DIAPH1: variants seen among roughly 807,000 people sequenced by gnomAD.
The protein encoded by DIAPH1 is diaphanous related formin 1.
Under a neutral mutation model 140.7 loss-of-function variants are expected in DIAPH1, and 46 were observed. The observed-to-expected ratio is 0.33, with a 90% CI of 0.26 to 0.42. The LOEUF (loss-of-function observed/expected upper bound fraction) is 0.42, where lower values mean the gene tolerates loss of function less well. Ranked by LOEUF, DIAPH1 falls within the 10% of genes least tolerant of loss-of-function variation. DIAPH1 has a pLI of 1.00. For synonymous variants in DIAPH1, 565 were observed against 551.6 expected, an observed-to-expected ratio of 1.02 and a Z score of -0.34; for missense variants, 1,310 against 1,558.7, an observed-to-expected ratio of 0.84 and a Z score of 2.69.
At chr5:141,540,765 A>T (rs2099889843) in intron 18 of DIAPH1, among the ~76,000 whole-genome samples, 1 of 151,736 alleles carries the variant, frequency 6.6e-6, no homozygotes, top group Non-Finnish European at 1.5e-5. Flanking sequence ...ACCTATCAAA[A>T]GACGCCATTT....
intron 24 of DIAPH1, 58 bp from the exon 25 acceptor site, chr5:141,526,519 G>C: frequency 6.2e-7 from 1 of 1,602,166 alleles, no homozygotes; most frequent in Non-Finnish European, 8.6e-7. Context: ...CACTTCTCTA[G>C]CCCAAGGAAT....
chr5:141,595,483 G>A (rs957978951), intron 1 of DIAPH1, among the ~76,000 whole-genome samples: 20 of 152,268 alleles, frequency 1.3e-4, no homozygotes, highest in Middle Eastern at 3.4e-3. Context: ...GTCAAGGGCG[G>A]GACCAGGTGG....
chr5:141,593,434 T>C (rs574087053), intron 1 of DIAPH1, among the ~76,000 whole-genome samples: 1 of 152,298 alleles, frequency 6.6e-6, no homozygotes, highest in Non-Finnish European at 1.5e-5. Flanking sequence ...CACTCAGCAC[T>C]TTTCCCCCTC....
intron 19 of DIAPH1, among the ~76,000 whole-genome samples, chr5:141,531,265 C>G (rs1241680219): frequency 6.6e-6 from 1 of 152,108 alleles, no homozygotes; most frequent in East Asian, 1.9e-4. Flanking sequence ...TCTCCTTTAT[C>G]CCAAGTCAAT....
rs138329781 is a variant in DIAPH1, at chr5:141,554,346, A to T, written c.2482+17082T>A. Reference sequence around the variant, plus strand: ...GTCTGCAAATTTAGATAAAATTGATAAATTTCTAGAAAAACATAACACATC... The same window carrying T: ...GTCTGCAAATTTAGATAAAATTGATTAATTTCTAGAAAAACATAACACATC... On this transcript the variant is annotated intron_variant, in intron 18 of 27. Coordinates refer to ENST00000389054, the MANE Select transcript of DIAPH1 (RefSeq NM_005219.5). Among the ~76,000 whole-genome samples, 87 of 152,326 alleles carry T rather than the reference A, an allele frequency of 5.7e-4. No individual in the cohort carries two copies. In the East Asian group the frequency reaches 0.014, roughly 25 times the overall value.
chr5:141,588,195 C>T (rs2099897833), intron 2 of DIAPH1, 29 bp downstream of exon 2: 3 of 1,593,370 alleles, frequency 1.9e-6, no homozygotes, highest in Non-Finnish European at 2.6e-6. Flanking sequence ...TGAGCTAGAA[C>T]ATGCACATGC....
chr5:141,548,208 A>C (rs905030245), intron 18 of DIAPH1, among the ~76,000 whole-genome samples: 22 of 151,920 alleles, frequency 1.4e-4, no homozygotes, highest in African/African-American at 4.1e-4. Context: ...CAAAAAAAAA[A>C]ACCTCAAAAT....
At position 141,618,811 on chromosome 5, in the gene DIAPH1, T is replaced by C. The variant is rs1440238404; in HGVS notation, c.104A>G (p.Lys35Arg). 24 of 1,548,852 alleles carry C rather than the reference T, an allele frequency of 1.5e-5. No homozygotes were observed. Among genetic ancestry groups the C allele is most frequent in the Non-Finnish European group, 1.9e-5 (22 of 1,146,856 alleles). ...AGGGACACTCACAAATTTCTTAGATTTGCCGCCGTCGCCGCCCGCCGAGGG... is the reference window on the plus strand; with the variant it reads ...AGGGACACTCACAAATTTCTTAGATCTGCCGCCGTCGCCGCCCGCCGAGGG... The part of the protein sequence containing the change: ...ELPSAGGDGG[K>R]SKKFTLKRLM... The change falls in exon 1 of 28, where the codon AAA becomes AGA. Residue 35 changes from lysine (K) to arginine (R), a missense_variant. This residue lies in a region of DIAPH1 where 377 missense variants were observed against 497.1 expected (regional missense o/e 0.76). Coordinates refer to ENST00000389054, the MANE Select transcript of DIAPH1 (RefSeq NM_005219.5).
At chr5:141,618,184 G>A (rs1192798931) in intron 1 of DIAPH1, among the ~76,000 whole-genome samples, 1 of 152,206 alleles carries the variant, frequency 6.6e-6, no homozygotes. Flanking sequence ...TAGGACCTGG[G>A]CAGGAGCCCA....
chr5:141,585,486 T>A (rs2099897395), intron 3 of DIAPH1, among the ~76,000 whole-genome samples: 1 of 151,452 alleles, frequency 6.6e-6, no homozygotes, highest in South Asian at 2.1e-4. Context: ...TTTTCAACAA[T>A]TTTTTTTTAG....
At chr5:141,583,795 C>T (rs1013142046) in intron 4 of DIAPH1, among the ~76,000 whole-genome samples, 180 bp from the exon 5 acceptor site, 1 of 152,158 alleles carries the variant, frequency 6.6e-6, no homozygotes, top group Non-Finnish European at 1.5e-5. Flanking sequence ...TCTGCCTCAG[C>T]CTCCCAAAGT....
intron 27 of DIAPH1, among the ~76,000 whole-genome samples, chr5:141,523,258 CT>C (rs1296468386): frequency 6.6e-6 from 1 of 152,160 alleles, no homozygotes; most frequent in Admixed American, 6.5e-5. Flanking sequence ...CTAATGATGC[CT>C]TTTTTTGTAA....
In DIAPH1 at chr5:141,528,791, G is replaced by A; in HGVS notation, c.2929C>T (p.Leu977=). 6.2e-7 allele frequency: 1 copy of A among 1,614,212 alleles called. No individual in the cohort carries two copies. Among genetic ancestry groups the A allele is most frequent in the Non-Finnish European group, 8.5e-7 (1 of 1,180,034 alleles). The stretch of plus-strand genomic sequence containing the variant: ...TTTCCAACAAGCAAGGTAATCTCTA[G>A]GAGATTGGAAAAGCTCTCACTCTTA... ...LRKSESFSNL[L]EITLLVGNYM... Residue 977 remains leucine (L), a synonymous_variant, in exon 22 of 28, where the codon CTA becomes TTA. Coordinates refer to ENST00000389054, the MANE Select transcript of DIAPH1 (RefSeq NM_005219.5).
At chr5:141,618,206 G>GC (rs1241820991) in intron 1 of DIAPH1, among the ~76,000 whole-genome samples, 1 of 152,180 alleles carries the variant, frequency 6.6e-6, no homozygotes, top group East Asian at 1.9e-4. Flanking sequence ...TCCTGTAATC[G>GC]CAAGGACAAA....
chr5:141,582,235 C>T, intron 7 of DIAPH1, 77 bp downstream of exon 7: 1 of 1,048,332 alleles, frequency 9.5e-7, no homozygotes, highest in Non-Finnish European at 1.5e-6. Context: ...ATTCCTAGTT[C>T]CTCTTTTGGT....
At chr5:141,538,619 G>C (rs2099889457) in intron 18 of DIAPH1, among the ~76,000 whole-genome samples, 1 of 152,062 alleles carries the variant, frequency 6.6e-6, no homozygotes, top group Admixed American at 6.6e-5. Flanking sequence ...TTTTAGTAGA[G>C]ACGGGGTTTC....
rs2099895758 is a variant in DIAPH1 at position 141,575,081 on chromosome 5, A to G, written c.1527T>C (p.Phe509=). The part of the protein sequence containing the change: ...QVEMKKMESD[F]EQKLQDLQGE... ...CCTGAAGATCTTGAAGCTTCTGCTC[A>G]AAGTCACTTTCCATCTTTTTCATTT... Residue 509 remains phenylalanine, a synonymous_variant, in exon 15 of 28, where the codon TTT becomes TTC. Transcript: ENST00000389054. 2 of 1,614,094 alleles carry G rather than the reference A, an allele frequency of 1.2e-6. No homozygotes were observed. Among genetic ancestry groups the G allele is most frequent in the African/African-American group, 1.3e-5 (1 of 74,934 alleles).
chr5:141,613,867 C>G (rs1303810730), intron 1 of DIAPH1, among the ~76,000 whole-genome samples: 3 of 152,102 alleles, frequency 2.0e-5, no homozygotes, highest in African/African-American at 7.2e-5. Context: ...ATTTTATTAT[C>G]AACAGCTTCT....
Position 141,572,031 on chromosome 5 carries a change from C to T in DIAPH1, c.2368G>A (p.Glu790Lys). 1 of 1,612,730 alleles carries T rather than the reference C, an allele frequency of 6.2e-7. No homozygotes were observed. Among genetic ancestry groups the T allele is most frequent in the Admixed American group, 1.7e-5 (1 of 60,016 alleles). Residue 790 changes from glutamate (E) to lysine (K), a missense_variant, in exon 17 of 28, where the codon GAG becomes AAG. This residue lies in a region of DIAPH1 where 589 missense variants were observed against 549.3 expected (regional missense o/e 1.07). Transcript: ENST00000389054. ...CAGAAGCAGTCCTGGGAGAGGTCCT[C>T]AGCCACAAGCTGTGGATAAAGGCAG... ...RRPNWSKLVA[E>K]DLSQDCFWTK...
Sources: allele counts gnomAD v4.1 joint callset (sites outside exome capture counted in the v4.1 genomes callset), GRCh38; gene constraint gnomAD v4.1.1; regional missense constraint gnomAD v4.1.1; transcripts MANE v1.5; gene names NCBI Gene and HGNC (gene_info 2026-07-23, HGNC 2026-07-21).